The following TM6SF2 variants were observed in gnomAD, a reference collection of about 807,000 sequenced individuals.
The protein encoded by TM6SF2 is transmembrane 6 superfamily member 2.
Under a neutral mutation model 41.0 loss-of-function variants are expected in TM6SF2, and 29 were observed. The observed-to-expected ratio is 0.71, with a 90% CI of 0.53 to 0.96. The LOEUF is 0.96. Ranked by LOEUF, TM6SF2 falls within the 50% of genes least tolerant of loss-of-function variation. The pLI, the probability that TM6SF2 is intolerant of heterozygous loss-of-function variation, is 0.00. For synonymous variants in TM6SF2, 200 were observed against 209.1 expected (o/e 0.96, Z 0.37); for missense variants, 475 against 499.0 (o/e 0.95, Z 0.46).
intron 5 of TM6SF2, among the ~76,000 whole-genome samples, 187 bp downstream of exon 5, chr19:19,269,500 C>G (rs564176559): frequency 6.6e-6 from 1 of 152,172 alleles, no homozygotes; most frequent in African/African-American, 2.4e-5. Flanking sequence ...TGGGTTCTCC[C>G]GCCTTCCAAG....
At position 19,267,608 on chromosome 19, in the gene TM6SF2, G is replaced by T; in HGVS notation, c.804+13C>A. On this transcript the variant is annotated intron_variant, in intron 8 of 9. Coordinates refer to ENST00000389363, the MANE Select transcript of TM6SF2 (RefSeq NM_001001524.3). ...ATGGCAGGGGTGTGGTCTTCTCCCC[G>T]CTCCCCTCTCACCTGCACCTTAGGG... 1.9e-6 allele frequency: 3 copies of T among 1,603,836 alleles called. No individual in the cohort carries two copies. The highest frequency in any genetic ancestry group is 1.7e-6 in the Non-Finnish European group (2 of 1,172,892).
At chr19:19,266,392 CT>C in intron 9 of TM6SF2, 97 bp downstream of exon 9, 1 of 1,518,222 alleles carries the variant, frequency 6.6e-7, no homozygotes, top group Non-Finnish European at 8.9e-7. Context: ...CTCTTGGGGG[CT>C]CATCATTACA....
intron 9 of TM6SF2, among the ~76,000 whole-genome samples, chr19:19,265,403 TATCCATCCATCC>T (rs67971690): frequency 2.3e-5 from 3 of 130,072 alleles, no homozygotes; most frequent in Non-Finnish European, 4.9e-5. Context: ...TCTATCTATC[TATCCATCCATCC>T]ATCTATCTAT....
At chr19:19,265,917 T>C (rs57002012) in intron 9 of TM6SF2, among the ~76,000 whole-genome samples, 4,372 of 152,194 alleles carry the variant, frequency 0.029, 221 homozygotes, top group African/African-American at 0.1. Context: ...GGATTCTAAA[T>C]GTTTTCCTGG....
At chr19:19,272,147 C>G (rs2061026220) in intron 1 of TM6SF2, among the ~76,000 whole-genome samples, 1 of 152,162 alleles carries the variant, frequency 6.6e-6, no homozygotes, top group Admixed American at 6.5e-5. Flanking sequence ...AATCCAGGCC[C>G]AGAGAGGATG....
At chr19:19,267,866 A>T (rs947767605) in intron 7 of TM6SF2, 120 bp downstream of exon 7, 35 of 1,061,810 alleles carry the variant, frequency 3.3e-5, no homozygotes, top group Non-Finnish European at 4.6e-5. Context: ...TGGAACACTC[A>T]GGTTAGACTT....
intron 9 of TM6SF2, among the ~76,000 whole-genome samples, chr19:19,265,875 C>T (rs1422739198): frequency 6.6e-6 from 1 of 152,172 alleles, no homozygotes; most frequent in African/African-American, 2.4e-5. Context: ...TCCCAGTCTT[C>T]CCCACCCCAG....
At chr19:19,268,208 CTTT>C (rs536426725) in intron 6 of TM6SF2, 121 bp from the exon 7 acceptor site, 2,944 of 552,666 alleles carry the variant, frequency 5.3e-3, no homozygotes, top group South Asian at 7.0e-3. Context: ...TTTCTTTTTT[CTTT>C]TTTTTTTTTT....
At position 19,267,729 on chromosome 19, in the gene TM6SF2, A is replaced by G. The variant is rs765308950; in HGVS notation, c.712-16T>C. 6.8e-6 allele frequency: 11 copies of G among 1,611,328 alleles called. No individual in the cohort carries two copies. The Admixed American group carries it at 1.5e-4, about 22-fold the overall frequency. ...CAAGCACCACCTGGAGCAGACAGAC[A>G]TACCAAGAACCCTCAGACATACCTC... is the stretch of plus-strand genomic sequence containing the variant. On this transcript the variant is annotated splice_polypyrimidine_tract_variant and intron_variant, in intron 7 of 9. Transcript: ENST00000389363.
intron 9 of TM6SF2, among the ~76,000 whole-genome samples, 170 bp downstream of exon 9, chr19:19,266,320 T>C (rs2061002788): frequency 6.6e-6 from 1 of 152,136 alleles, no homozygotes; most frequent in South Asian, 2.1e-4. Context: ...TTGGAGTGTC[T>C]GTATCTGGCT....
chr19:19,268,639 G>C lies in TM6SF2; in HGVS notation c.600C>G (p.Thr200=). 6.3e-7 allele frequency: 1 copy of C among 1,582,162 alleles called. No homozygotes were observed. Among genetic ancestry groups the C allele is most frequent in the Non-Finnish European group, 8.5e-7 (1 of 1,170,024 alleles). The change falls in exon 6 of 10, where the codon ACC becomes ACG. Residue 200 remains threonine (T), a synonymous_variant. Transcript: ENST00000389363. ...GGGGTAAGGCACTCACCATGTTGGC[G>C]GTGCAGCGGGTTAGCGCCCGGGGCT... ...FSQPRALTRC[T]ANMVQEEQRK...
chr19:19,273,121 T>A lies in TM6SF2; in HGVS notation c.95A>T (p.His32Leu). ...YALNHVSALS[H>L]PLWVALMSAL... ...CGCCCTGGCCCCTCTCCGCACGCAC[T>A]GCGAGAGCGCCGAGACGTGGTTGAG... is the stretch of plus-strand genomic sequence containing the variant. Residue 32 changes from histidine (H) to leucine (L), a missense_variant and splice_region_variant, in exon 1 of 10, where the codon CAC (histidine) becomes CTC (leucine). Around this residue, in one of 3 missense-constraint regions of TM6SF2, gnomAD observed 238 missense variants for 228.6 expected, o/e 1.04. Coordinates refer to ENST00000389363, the MANE Select transcript of TM6SF2 (RefSeq NM_001001524.3). The A allele has an allele frequency of 8.3e-7, 1 of 1,197,974 alleles. No individual in the cohort carries two copies. The highest frequency in any genetic ancestry group is 3.4e-5 in the Admixed American group (1 of 29,822). 74.2% of individuals were successfully genotyped at this position (1,197,974 alleles called of 1,614,324 possible).
In TM6SF2 at chr19:19,264,721, T is replaced by C; in HGVS notation, c.1077A>G (p.Ala359=). 1 of 1,597,558 alleles carries C rather than the reference T, an allele frequency of 6.3e-7. No individual in the cohort carries two copies. Among genetic ancestry groups the C allele is most frequent in the Non-Finnish European group, 8.5e-7 (1 of 1,171,924 alleles). The change falls in exon 10 of 10, where the codon GCA becomes GCG. Residue 359 remains alanine (A), a synonymous_variant. Coordinates refer to ENST00000389363, the MANE Select transcript of TM6SF2 (RefSeq NM_001001524.3). ...LLAYRCLQWP[A]FFHQPPPSDP... ...CGGAGGGTGGTGGCTGGTGGAAGAA[T>C]GCGGGCCACTGAAGGCAACGGTAGG...
At chr19:19,270,108 G>A (rs1599838109) in intron 4 of TM6SF2, 65 bp downstream of exon 4, 1 of 1,601,264 alleles carries the variant, frequency 6.2e-7, no homozygotes, top group East Asian at 2.3e-5. Context: ...CCTGCCCTGG[G>A]ACCCCATCTG....
Position 19,270,955 on chromosome 19 carries a change from C to A in TM6SF2, c.199+67G>T. 2.2e-6 allele frequency: 3 copies of A among 1,383,852 alleles called. No individual in the cohort carries two copies. The East Asian group carries it at 6.9e-5, about 32-fold the overall frequency. The allele number at this position is 1,383,852 out of a possible 1,614,324, so 85.7% of individuals were successfully genotyped here. ...CTGATGGAGGAGGCCCCTTAATGGC[C>A]CCCAAGTCTGAGGGTGGAGGCCCTT... On this transcript the variant is annotated intron_variant, in intron 2 of 9. Transcript: ENST00000389363.
rs935118943 is a variant in TM6SF2, at chr19:19,267,550, C to T, written c.804+71G>A. On this transcript the variant is annotated intron_variant, in intron 8 of 9. Transcript: ENST00000389363. ...GCCTGTTTGAGTTGTGCTTCTGGCACCTGCTTCAAAGAGGCCCAGTGGACC... is the reference window on the plus strand; with the variant it reads ...GCCTGTTTGAGTTGTGCTTCTGGCATCTGCTTCAAAGAGGCCCAGTGGACC... 6.7e-6 allele frequency: 8 copies of T among 1,190,070 alleles called. No homozygotes were observed. The African/African-American group carries it at 9.2e-5, about 14-fold the overall frequency. 73.7% of individuals were successfully genotyped at this position (1,190,070 alleles called of 1,614,324 possible).
In TM6SF2 at chr19:19,268,049, C is replaced by T. The variant is rs201727409; in HGVS notation, c.648G>A (p.Pro216=). 488 of 1,614,034 alleles carry T rather than the reference C, an allele frequency of 3.0e-4. 1 individual carries two copies. In the South Asian group the frequency reaches 5.0e-3, roughly 16 times the overall value. ...EEQRKGLLQR[P]ADLALVIYLI... ...GATATATGACAAGGGCCAGGTCAGC[C>T]GGACGCTGCAGGAGTCCCTTTCTTT... The change falls in exon 7 of 10, where the codon CCG becomes CCA. Residue 216 remains proline (P), a synonymous_variant. Coordinates refer to ENST00000389363, the MANE Select transcript of TM6SF2 (RefSeq NM_001001524.3).
chr19:19,273,012 A>T, intron 1 of TM6SF2, 109 bp downstream of exon 1: 1 of 888,514 alleles, frequency 1.1e-6, no homozygotes, highest in Non-Finnish European at 1.6e-6. Context: ...GGGCTCGCAG[A>T]AGCCAGGTCC....
In TM6SF2 at chr19:19,264,627, C is replaced by T. The variant is rs752203275; in HGVS notation, c.*37G>A. ...TTCCCCAGGTAGGGCTGACTGGGCA[C>T]GTAAACAGAGTCCTGGGTCCTGAGT... On this transcript the variant is annotated 3_prime_UTR_variant, in exon 10 of 10. Transcript: ENST00000389363. 27 of 1,400,576 alleles carry T rather than the reference C, an allele frequency of 1.9e-5. No individual in the cohort carries two copies. In the East Asian group the frequency reaches 2.2e-4, roughly 11 times the overall value. 86.8% of individuals were successfully genotyped at this position (1,400,576 alleles called of 1,614,324 possible).
Sources: gnomAD v4.1 joint callset for allele counts (sites outside exome capture counted in the v4.1 genomes callset) on GRCh38, gnomAD v4.1.1 for gene constraint, gnomAD v4.1.1 regional missense constraint, MANE v1.5 for transcripts, NCBI Gene and HGNC (gene_info 2026-07-23, HGNC 2026-07-21) for gene names.